Variants in UST observed in about 807,000 individuals in gnomAD.
UST encodes the protein uronyl 2-sulfotransferase.
In UST, 21 loss-of-function variants were observed where a neutral mutation model predicts 45.6. The ratio of observed to expected loss-of-function variants is 0.46; its 90% CI spans 0.33 to 0.66. UST has a LOEUF of 0.66. Ranked by LOEUF, UST falls within the 30% of genes least tolerant of loss-of-function variation. UST has a pLI of 0.02. For synonymous variants in UST, 215 were observed against 200.6 expected (o/e 1.07, Z -0.61); for missense variants, 463 against 512.4 (o/e 0.90, Z 0.93).
intron 1 of UST, among the ~76,000 whole-genome samples, chr6:148,824,348 A>G (rs1433906883): frequency 6.6e-6 from 1 of 152,242 alleles, no homozygotes; most frequent in East Asian, 1.9e-4. Context: ...ATTGTGCAGT[A>G]TAGGTACAGT....
intron 4 of UST, among the ~76,000 whole-genome samples, chr6:148,961,506 A>G (rs1367717376): frequency 6.6e-6 from 1 of 152,236 alleles, no homozygotes; most frequent in Admixed American, 6.5e-5. Context: ...TGAAAGAAAC[A>G]ACAAAAAGTT....
chr6:148,754,278 G>C (rs908720391), intron 1 of UST, among the ~76,000 whole-genome samples: 1 of 152,180 alleles, frequency 6.6e-6, no homozygotes, highest in African/African-American at 2.4e-5. Context: ...TTACAGGCAT[G>C]AGCCACCGCG....
chr6:148,976,939 T>C (rs1781027771), intron 5 of UST, among the ~76,000 whole-genome samples: 1 of 152,132 alleles, frequency 6.6e-6, no homozygotes, highest in South Asian at 2.1e-4. Context: ...TCTTATTAAC[T>C]CTGAAACTAT....
intron 7 of UST, among the ~76,000 whole-genome samples, chr6:149,068,754 T>G (rs1776777709): frequency 6.6e-6 from 1 of 152,148 alleles, no homozygotes; most frequent in African/African-American, 2.4e-5. Flanking sequence ...ACATTTGAAT[T>G]TTTTTTTCTA....
intron 7 of UST, among the ~76,000 whole-genome samples, chr6:149,069,175 C>T (rs146236078): frequency 3.1e-4 from 47 of 152,234 alleles, no homozygotes; most frequent in Non-Finnish European, 5.3e-4. Flanking sequence ...TTTACCACTG[C>T]GAATATTACT....
intron 7 of UST, among the ~76,000 whole-genome samples, chr6:149,052,364 A>G (rs1246885345): frequency 2.0e-5 from 3 of 152,226 alleles, no homozygotes; most frequent in Non-Finnish European, 4.4e-5. Flanking sequence ...CTTGTGTCTC[A>G]GGAATCTTGT....
chr6:148,895,146 C>A (rs1428070520), intron 2 of UST, among the ~76,000 whole-genome samples: 1 of 151,970 alleles, frequency 6.6e-6, no homozygotes, highest in Non-Finnish European at 1.5e-5. Context: ...TTTTTTCCAA[C>A]CTTCCATACC....
At chr6:148,954,611 G>A (rs1780444245) in intron 4 of UST, among the ~76,000 whole-genome samples, 1 of 152,174 alleles carries the variant, frequency 6.6e-6, no homozygotes, top group African/African-American at 2.4e-5. Context: ...TAGTTACGCA[G>A]TAGGCCGTGC....
At chr6:148,842,923 C>T (rs1777915756) in intron 1 of UST, among the ~76,000 whole-genome samples, 1 of 152,130 alleles carries the variant, frequency 6.6e-6, no homozygotes, top group South Asian at 2.1e-4. Context: ...CTAAATAAAA[C>T]ACCGGAAATA....
At chr6:149,072,838 TG>T (rs1776838985) in intron 7 of UST, among the ~76,000 whole-genome samples, 1 of 152,012 alleles carries the variant, frequency 6.6e-6, no homozygotes, top group African/African-American at 2.4e-5. Context: ...ATCTAATCGA[TG>T]GGGTAAGTAG....
chr6:149,055,752 T>G lies in UST; in HGVS notation c.938-18081T>G, dbSNP rs540733732. On this transcript the variant is annotated intron_variant, in intron 7 of 7. Transcript: ENST00000367463. The stretch of plus-strand genomic sequence containing the variant: ...ATGTCTTATCAAAGGGGAAGGCTGG[T>G]GGTTAATGGTCAGTGCATTGCACCA... 2.0e-5 allele frequency among the ~76,000 whole-genome samples: 3 copies of G among 152,338 alleles called. No homozygotes were observed. The East Asian group carries it at 5.8e-4, about 29-fold the overall frequency.
Position 148,924,666 on chromosome 6 carries a change from G to C in UST, c.292-16613G>C, listed in dbSNP as rs144072362. 6.2e-3 allele frequency among the ~76,000 whole-genome samples: 943 copies of C among 152,212 alleles called. 9 individuals are homozygous for C. The highest frequency in any genetic ancestry group is 0.024 in the Middle Eastern group (7 of 294). On this transcript the variant is annotated intron_variant, in intron 2 of 7. Transcript: ENST00000367463. ...GGGGGGACACTCTGAATTTCCCCTA[G>C]GCCGTCACATGTGGGCTGGACTTCC... is the stretch of plus-strand genomic sequence containing the variant.
intron 2 of UST, among the ~76,000 whole-genome samples, chr6:148,903,568 A>G (rs1779300525): frequency 6.6e-6 from 1 of 152,210 alleles, no homozygotes; most frequent in Non-Finnish European, 1.5e-5. Flanking sequence ...GTTTAATTCA[A>G]CTTTATTTTA....
At chr6:148,762,129 T>A (rs528455232) in intron 1 of UST, among the ~76,000 whole-genome samples, 1 of 152,216 alleles carries the variant, frequency 6.6e-6, no homozygotes, top group Admixed American at 6.5e-5. Context: ...TGTAGTTATA[T>A]TCTTCATTCG....
intron 1 of UST, among the ~76,000 whole-genome samples, chr6:148,789,453 TCACACACACACA>T (rs58763326): frequency 3.7e-5 from 5 of 134,224 alleles, no homozygotes; most frequent in Admixed American, 1.5e-4. Context: ...TCTCTCTCTC[TCACACACACACA>T]CACACACACA....
At chr6:148,932,464 AG>A (rs1461670455) in intron 2 of UST, among the ~76,000 whole-genome samples, 1 of 152,234 alleles carries the variant, frequency 6.6e-6, no homozygotes, top group Non-Finnish European at 1.5e-5. Flanking sequence ...TACTGACCAC[AG>A]AAGCTTAAAG....
intron 1 of UST, among the ~76,000 whole-genome samples, chr6:148,789,989 C>CTGTTT (rs1776809305): frequency 7.9e-6 from 1 of 127,048 alleles, no homozygotes; most frequent in Admixed American, 8.1e-5. Flanking sequence ...TTTCAGGATT[C>CTGTTT]TTTTTTTTTT....
intron 1 of UST, among the ~76,000 whole-genome samples, chr6:148,884,813 T>C: frequency 6.6e-6 from 1 of 152,118 alleles, no homozygotes; most frequent in South Asian, 2.1e-4. Context: ...GTGGTCAGAT[T>C]TGAGTTATAT....
At chr6:148,830,504 G>A (rs1031906002) in intron 1 of UST, among the ~76,000 whole-genome samples, 1 of 152,162 alleles carries the variant, frequency 6.6e-6, no homozygotes, top group African/African-American at 2.4e-5. Flanking sequence ...TGTGTTGGGT[G>A]CCACAATGCA....
Sources: gnomAD v4.1 joint callset for allele counts (sites outside exome capture counted in the v4.1 genomes callset) on GRCh38, gnomAD v4.1.1 for gene constraint, MANE v1.5 for transcripts, NCBI Gene and HGNC (gene_info 2026-07-23, HGNC 2026-07-21) for gene names.